Variants in CHL1 observed in about 807,000 individuals in gnomAD.
The protein encoded by CHL1 is neural cell adhesion molecule L1-like protein.
CHL1 carries 96 observed loss-of-function variants against 141.9 expected under a neutral mutation model. The ratio of observed to expected loss-of-function variants is 0.68; its 90% confidence interval spans 0.57 to 0.80. CHL1 has a LOEUF of 0.80. Among genes scored for constraint, CHL1 ranks in the 30% least tolerant of loss-of-function variants. CHL1 has a pLI of 0.00. For missense variants in CHL1, 1,820 were observed against 1,457.2 expected (o/e 1.25, Z -4.05); for synonymous variants, 613 against 502.2 (o/e 1.22, Z -2.95).
chr3:314,323 CTATGTGTATATATATATATA>C (rs1381252336), intron 2 of CHL1, among the ~76,000 whole-genome samples: 1 of 60,166 alleles, frequency 1.7e-5, no homozygotes, highest in African/African-American at 6.5e-5. Context: ...CTCTCTCTCT[CTATGTGTATATATATATATA>C]TATATATATA....
chr3:210,133 T>A (rs756862280), intron 1 of CHL1, among the ~76,000 whole-genome samples: 1 of 152,218 alleles, frequency 6.6e-6, no homozygotes, highest in Non-Finnish European at 1.5e-5. Context: ...GGAAGAAAAG[T>A]ACCTGAAAGC....
At chr3:354,509 C>G in intron 10 of CHL1, 131 bp from the exon 11 acceptor site, 1 of 1,011,012 alleles carries the variant, frequency 9.9e-7, no homozygotes, top group East Asian at 2.5e-5. Context: ...GCAAGTTTAC[C>G]AAAAAGAGCT....
At chr3:227,562 G>A (rs888209401) in intron 1 of CHL1, among the ~76,000 whole-genome samples, 7 of 152,198 alleles carry the variant, frequency 4.6e-5, no homozygotes, top group African/African-American at 1.7e-4. Context: ...GAAATCAAAA[G>A]TGATTAAAAA....
At chr3:394,952 A>G (rs948395583) in intron 24 of CHL1, 80 bp downstream of exon 24, 81 of 1,161,766 alleles carry the variant, frequency 7.0e-5, no homozygotes, top group Non-Finnish European at 8.0e-5. Context: ...CTGAAAGGAA[A>G]GCACCGTGCC....
At chr3:345,990 T>C (rs1048324726) in intron 9 of CHL1, among the ~76,000 whole-genome samples, 3 of 152,206 alleles carry the variant, frequency 2.0e-5, no homozygotes, top group African/African-American at 7.2e-5. Context: ...CTTGGGAAAA[T>C]GCATTCCAGC....
chr3:352,485 A>G (rs1703354501), intron 10 of CHL1, among the ~76,000 whole-genome samples: 1 of 152,194 alleles, frequency 6.6e-6, no homozygotes, highest in South Asian at 2.1e-4. Flanking sequence ...TTTTGTATTT[A>G]CAATTATGAG....
chr3:397,317 C>G (rs945878783), intron 24 of CHL1, among the ~76,000 whole-genome samples: 1 of 151,892 alleles, frequency 6.6e-6, no homozygotes, highest in African/African-American at 2.4e-5. Context: ...TTTAATAAAA[C>G]CTTTTTGTTA....
intron 2 of CHL1, among the ~76,000 whole-genome samples, chr3:277,812 A>G (rs1279618563): frequency 6.6e-6 from 1 of 152,262 alleles, no homozygotes; most frequent in Non-Finnish European, 1.5e-5. Flanking sequence ...GAAATCAGGA[A>G]AGTTAGCCAG....
At chr3:250,100 G>T (rs540452459) in intron 2 of CHL1, among the ~76,000 whole-genome samples, 114 of 151,960 alleles carry the variant, frequency 7.5e-4, no homozygotes, top group Non-Finnish European at 1.4e-3. Context: ...TTGAGCAGCT[G>T]GCACTACAGG....
chr3:276,226 A>G (rs553392544), intron 2 of CHL1, among the ~76,000 whole-genome samples: 2 of 152,336 alleles, frequency 1.3e-5, no homozygotes, highest in East Asian at 3.9e-4. Context: ...TATTAAAAGT[A>G]TTATATTGCA....
chr3:325,780 G>A (rs1056947253), intron 3 of CHL1, among the ~76,000 whole-genome samples, 179 bp from the exon 4 acceptor site: 2 of 152,012 alleles, frequency 1.3e-5, no homozygotes, highest in African/African-American at 4.8e-5. Context: ...TGGCAGTGAA[G>A]TGTATTCCTT....
At chr3:220,781 A>C (rs1700763745) in intron 1 of CHL1, among the ~76,000 whole-genome samples, 1 of 152,246 alleles carries the variant, frequency 6.6e-6, no homozygotes, top group Non-Finnish European at 1.5e-5. Flanking sequence ...GTGTTAGGAA[A>C]TGAGAACGCT....
chr3:197,566 G>C, intron 1 of CHL1: 2 of 327,354 alleles, frequency 6.1e-6, no homozygotes, highest in South Asian at 2.4e-5. Flanking sequence ...GTGGGGCTCA[G>C]ACCCCCCCAG....
chr3:209,578 A>G (rs1330969260), intron 1 of CHL1, among the ~76,000 whole-genome samples: 2 of 152,110 alleles, frequency 1.3e-5, no homozygotes, highest in African/African-American at 4.8e-5. Context: ...TTTTGTCATT[A>G]TTATACTTCA....
chr3:361,266 C>G (rs1452074739), intron 12 of CHL1, among the ~76,000 whole-genome samples: 1 of 149,812 alleles, frequency 6.7e-6, no homozygotes, highest in Admixed American at 6.7e-5. Flanking sequence ...ACCATAAAAA[C>G]CCTAGAAGAA....
chr3:208,043 G>T (rs1033462066), intron 1 of CHL1, among the ~76,000 whole-genome samples: 4 of 152,252 alleles, frequency 2.6e-5, no homozygotes, highest in African/African-American at 9.6e-5. Context: ...ATAAAAACTG[G>T]TATGAGTGGT....
chr3:248,089 C>T (rs1693341426), intron 2 of CHL1: 1 of 152,090 alleles, frequency 6.6e-6, no homozygotes, highest in African/African-American at 2.4e-5. Context: ...TCTTCCTTAG[C>T]CAAACACCCC....
rs573660190 is a variant in CHL1 at position 308,582 on chromosome 3, T to C, written c.-94-11101T>C. The C allele has an allele frequency of 1.3e-4, 20 of 150,514 alleles. No individual in the cohort carries two copies. In the East Asian group the frequency reaches 1.6e-3, roughly 12 times the overall value. The allele number at this position is 150,514 out of a possible 1,614,324, so 9.3% of individuals were successfully genotyped here. ...GTCATATAAACATAGGGAGATTATA[T>C]ATATAGATAATATCTATATTATAGA... On this transcript the variant is annotated intron_variant, in intron 2 of 27. Transcript: ENST00000256509.
chr3:325,115 T>C (rs1700903411), intron 3 of CHL1, among the ~76,000 whole-genome samples: 1 of 148,092 alleles, frequency 6.8e-6, no homozygotes, highest in Non-Finnish European at 1.5e-5. Flanking sequence ...AAAACATAAA[T>C]GAGGAATAAC....
Sources: allele counts gnomAD v4.1 joint callset (sites outside exome capture counted in the v4.1 genomes callset), GRCh38; gene constraint gnomAD v4.1.1; transcripts MANE v1.5; gene names NCBI Gene and HGNC (gene_info 2026-07-23, HGNC 2026-07-21).